RANBP2: variants seen among roughly 807,000 people sequenced by gnomAD.
RANBP2 encodes the protein E3 SUMO-protein ligase RanBP2.
In RANBP2, 57 loss-of-function variants were observed where a neutral mutation model predicts 303.6. That is an observed-to-expected ratio of 0.19 (90% CI 0.15 to 0.23). The LOEUF (loss-of-function observed/expected upper bound fraction) is 0.23, where lower values mean the gene tolerates loss of function less well. Among genes scored for constraint, RANBP2 ranks in the 10% least tolerant of loss-of-function variants. The pLI is 1.00. For missense variants in RANBP2, 3,138 were observed against 3,780.8 expected, an observed-to-expected ratio of 0.83 and a Z score of 4.46; for synonymous variants, 1,167 against 1,301.5, an observed-to-expected ratio of 0.90 and a Z score of 2.23.
the RANBP2 span, among the ~76,000 whole-genome samples, chr2:108,938,723 G>A: frequency 6.6e-6 from 1 of 151,968 alleles, no homozygotes; most frequent in Admixed American, 6.6e-5. Context: ...GGTGAAATCA[G>A]AAAAGTTATC....
At chr2:109,369,838 C>T in the RANBP2 span, among the ~76,000 whole-genome samples, 62 of 152,226 alleles carry the variant, frequency 4.1e-4, no homozygotes, top group African/African-American at 1.5e-3. Context: ...TCTTAGACCC[C>T]ACCAGCCTAA....
the RANBP2 span, among the ~76,000 whole-genome samples, chr2:108,967,718 A>C: frequency 6.6e-6 from 1 of 152,132 alleles, no homozygotes; most frequent in East Asian, 1.9e-4. Flanking sequence ...TTATCCCTCA[A>C]AGCTTCCAAT....
intron 13 of RANBP2, 119 bp from the exon 14 acceptor site, chr2:108,753,307 T>G: frequency 2.5e-6 from 4 of 1,604,458 alleles, no homozygotes; most frequent in Non-Finnish European, 3.4e-6. Flanking sequence ...ACATAAGATA[T>G]GACAGAGAAG....
chr2:108,893,737 CAA>C, the RANBP2 span, among the ~76,000 whole-genome samples: 11 of 152,282 alleles, frequency 7.2e-5, no homozygotes, highest in African/African-American at 2.6e-4. Context: ...TAAACACACA[CAA>C]AGACTCCTGC....
At chr2:109,060,074 T>C in the RANBP2 span, among the ~76,000 whole-genome samples, 1 of 152,184 alleles carries the variant, frequency 6.6e-6, no homozygotes, top group African/African-American at 2.4e-5. Flanking sequence ...AATGTGTCTT[T>C]TTGAGGCATG....
chr2:109,412,666 C>T, the RANBP2 span, among the ~76,000 whole-genome samples: 268 of 152,352 alleles, frequency 1.8e-3, 5 homozygotes, highest in Non-Finnish European at 6.3e-4. Context: ...TACGGGCTTA[C>T]CGTCAGCCAG....
the RANBP2 span, chr2:109,544,887 G>A: frequency 0.45 from 403,514 of 893,754 alleles, 93,773 homozygotes; most frequent in African/African-American, 0.7. Flanking sequence ...TGGAGAGCTT[G>A]CATTGAAAGA....
At chr2:109,052,732 C>G in the RANBP2 span, among the ~76,000 whole-genome samples, 1 of 152,070 alleles carries the variant, frequency 6.6e-6, no homozygotes, top group Non-Finnish European at 1.5e-5. Context: ...ACTCCTGACC[C>G]CAAGTGATCC....
the RANBP2 span, among the ~76,000 whole-genome samples, chr2:109,003,819 A>G: frequency 4.6e-5 from 7 of 152,342 alleles, no homozygotes; most frequent in African/African-American, 1.2e-4. Flanking sequence ...AGCAAGGGAC[A>G]TCGGCAGGCA....
chr2:109,056,539 ATTTGTTG>A, the RANBP2 span, among the ~76,000 whole-genome samples: 2 of 152,130 alleles, frequency 1.3e-5, no homozygotes, highest in African/African-American at 4.8e-5. Flanking sequence ...GATTGACAGC[ATTTGTTG>A]ATTGATGGAT....
the RANBP2 span, among the ~76,000 whole-genome samples, chr2:109,704,860 A>G: frequency 6.6e-6 from 1 of 152,146 alleles, no homozygotes; most frequent in African/African-American, 2.4e-5. Flanking sequence ...TCAAAAAGAA[A>G]TTAAAGCAGG....
At chr2:109,164,143 G>A in the RANBP2 span, among the ~76,000 whole-genome samples, 1 of 151,878 alleles carries the variant, frequency 6.6e-6, no homozygotes, top group African/African-American at 2.4e-5. Context: ...ATTATTTTTG[G>A]TCCAGGAAAA....
chr2:109,454,238 C>T, the RANBP2 span, among the ~76,000 whole-genome samples: 8 of 152,170 alleles, frequency 5.3e-5, no homozygotes, highest in East Asian at 1.9e-4. Context: ...TTCACATGGT[C>T]GTGGCTGGTA....
the RANBP2 span, among the ~76,000 whole-genome samples, chr2:109,364,160 T>G: frequency 1.4e-5 from 2 of 139,272 alleles, no homozygotes; most frequent in Non-Finnish European, 3.0e-5. Flanking sequence ...TCCATTATGG[T>G]TTTTTTTTTT....
the RANBP2 span, among the ~76,000 whole-genome samples, chr2:109,021,665 G>A: frequency 6.6e-6 from 1 of 152,048 alleles, no homozygotes; most frequent in African/African-American, 2.4e-5. Flanking sequence ...TTGGAAGCGA[G>A]GTAAAGAGAG....
intron 24 of RANBP2, 137 bp from the exon 25 acceptor site, chr2:108,776,993 T>G (rs1677934404): frequency 1.4e-6 from 1 of 695,840 alleles, no homozygotes; most frequent in Non-Finnish European, 2.4e-6. Context: ...TGGATGTATT[T>G]TGTAACTTGA....
At chr2:109,164,474 G>A in the RANBP2 span, among the ~76,000 whole-genome samples, 1 of 152,222 alleles carries the variant, frequency 6.6e-6, no homozygotes, top group Non-Finnish European at 1.5e-5. Context: ...GTGAGCCACA[G>A]TATTTGGCCC....
At chr2:108,897,291 G>C in the RANBP2 span, 3 of 1,435,154 alleles carry the variant, frequency 2.1e-6, no homozygotes, top group Non-Finnish European at 2.9e-6. Flanking sequence ...GGTCAACACT[G>C]AAAAATTATT....
the RANBP2 span, chr2:109,129,779 G>C: frequency 7.1e-6 from 11 of 1,538,664 alleles, no homozygotes; most frequent in Non-Finnish European, 9.6e-6. Flanking sequence ...TTCTGCCGCC[G>C]CTGCCTGGAG....
Sources: gnomAD v4.1 joint callset for allele counts (sites outside exome capture counted in the v4.1 genomes callset) on GRCh38, gnomAD v4.1.1 for gene constraint, MANE v1.5 for transcripts, NCBI Gene and HGNC (gene_info 2026-07-23, HGNC 2026-07-21) for gene names.